Variants in ZBTB8A observed in about 807,000 individuals in gnomAD.
ZBTB8A encodes the protein zinc finger and BTB domain containing 8A.
In ZBTB8A, 19 loss-of-function variants were observed where a neutral mutation model predicts 37.8. That is an observed-to-expected ratio of 0.50 (90% CI 0.35 to 0.74). The LOEUF (loss-of-function observed/expected upper bound fraction) is 0.74, where lower values mean the gene tolerates loss of function less well. Among genes scored for constraint, ZBTB8A ranks in the 30% least tolerant of loss-of-function variants. The pLI is 0.01. For synonymous variants in ZBTB8A, 181 were observed against 185.2 expected (o/e 0.98, Z 0.19); for missense variants, 394 against 537.8 (o/e 0.73, Z 2.65).
chr1:32,565,683 T>G (rs1644273123), intron 2 of ZBTB8A, among the ~76,000 whole-genome samples: 1 of 152,094 alleles, frequency 6.6e-6, no homozygotes, highest in African/African-American at 2.4e-5. Context: ...AATAAATAAA[T>G]AGCTGTTCTT....
At chr1:32,597,617 C>T (rs773690864) in intron 4 of ZBTB8A, among the ~76,000 whole-genome samples, 4 of 152,128 alleles carry the variant, frequency 2.6e-5, no homozygotes, top group Non-Finnish European at 1.5e-5. Context: ...GTCATTGTTA[C>T]GGAGGTGTCA....
At chr1:32,565,507 T>C (rs1644271845) in intron 2 of ZBTB8A, among the ~76,000 whole-genome samples, 1 of 151,750 alleles carries the variant, frequency 6.6e-6, no homozygotes, top group Non-Finnish European at 1.5e-5. Flanking sequence ...ATTAAAAAAT[T>C]AGCTGGGCGT....
chr1:32,575,252 A>G (rs1644351151), intron 2 of ZBTB8A, among the ~76,000 whole-genome samples: 1 of 103,220 alleles, frequency 9.7e-6, no homozygotes, highest in Non-Finnish European at 1.9e-5. Context: ...TTTTTGAGAC[A>G]GTTTCGCTCT....
intron 2 of ZBTB8A, among the ~76,000 whole-genome samples, chr1:32,556,644 G>A (rs983500825): frequency 4.0e-5 from 6 of 151,894 alleles, no homozygotes; most frequent in Non-Finnish European, 8.8e-5. Flanking sequence ...TTGGGAGGCC[G>A]AGGCAAGGTA....
intron 2 of ZBTB8A, among the ~76,000 whole-genome samples, chr1:32,589,309 G>A (rs1644471063): frequency 6.6e-6 from 1 of 151,982 alleles, no homozygotes; most frequent in African/African-American, 2.4e-5. Context: ...GGAGTGCAGT[G>A]GCGCAATCTC....
chr1:32,584,635 C>G (rs1245042548), intron 2 of ZBTB8A, among the ~76,000 whole-genome samples: 2 of 151,604 alleles, frequency 1.3e-5, no homozygotes, highest in Non-Finnish European at 2.9e-5. Context: ...CCTCAGCATC[C>G]CATGTAGCTG....
chr1:32,596,353 G>A (rs1191974620), intron 4 of ZBTB8A, among the ~76,000 whole-genome samples: 1 of 148,248 alleles, frequency 6.7e-6, no homozygotes, highest in Non-Finnish European at 1.5e-5. Context: ...CTGGGCGACT[G>A]AGCGAGACTC....
In ZBTB8A at chr1:32,567,818, A is replaced by AAC. The variant is rs1557707686; in HGVS notation, c.-2+14279_-2+14280insCA. Among the ~76,000 whole-genome samples, 155 of 23,098 alleles carry AAC rather than the reference A, an allele frequency of 6.7e-3. 22 individuals carry two copies. The highest frequency in any genetic ancestry group is 0.021 in the African/African-American group (114 of 5,316). The allele number at this position is 23,098 out of a possible 152,430, so 15.2% of individuals were successfully genotyped here. ...AAAAAAAAAAAAAAAAAAAAAAAAAAAAAAACAAAAACAAAACAAAACAAA... is the reference window on the plus strand; with the variant it reads ...AAAAAAAAAAAAAAAAAAAAAAAAAAACAAAAACAAAAACAAAACAAAACAAA... On this transcript the variant is annotated intron_variant, in intron 2 of 4. Coordinates refer to ENST00000373510, the MANE Select transcript of ZBTB8A (RefSeq NM_001040441.3).
intron 2 of ZBTB8A, among the ~76,000 whole-genome samples, chr1:32,555,248 G>C (rs1190769199): frequency 6.6e-6 from 1 of 152,080 alleles, no homozygotes; most frequent in Non-Finnish European, 1.5e-5. Flanking sequence ...AATTAGCCGG[G>C]CGTGGTGGCA....
At chr1:32,552,014 C>G (rs2148217512) in intron 1 of ZBTB8A, among the ~76,000 whole-genome samples, 1 of 152,288 alleles carries the variant, frequency 6.6e-6, no homozygotes, top group Admixed American at 6.5e-5. Context: ...TTGGTATCAT[C>G]TGCTGGCCTG....
At chr1:32,563,148 A>G (rs1187006774) in intron 2 of ZBTB8A, among the ~76,000 whole-genome samples, 1 of 152,110 alleles carries the variant, frequency 6.6e-6, no homozygotes, top group Admixed American at 6.6e-5. Flanking sequence ...AGGGATTATT[A>G]GTTGTTTGCA....
At chr1:32,575,283 G>C (rs557915526) in intron 2 of ZBTB8A, among the ~76,000 whole-genome samples, 1 of 136,688 alleles carries the variant, frequency 7.3e-6, no homozygotes, top group African/African-American at 2.8e-5. Flanking sequence ...CTGGAGTGCA[G>C]TGGCACAATG....
chr1:32,581,517 A>G (rs1426748860), intron 2 of ZBTB8A, among the ~76,000 whole-genome samples: 1 of 150,690 alleles, frequency 6.6e-6, no homozygotes, highest in Non-Finnish European at 1.5e-5. Context: ...ATGTCTGGCT[A>G]ATTTTTGTAT....
rs932377459 is a variant in ZBTB8A at position 32,602,188 on chromosome 1, C to CGTG, written c.*1776_*1778dup. On this transcript the variant is annotated 3_prime_UTR_variant, in exon 5 of 5. Transcript: ENST00000373510. Reference sequence around the variant, plus strand: ...TACTAAAAATACAAAATTAGCCGGGCGTGGTGGTGCATGCCTGTAATCCCA... The same window carrying CGTG: ...TACTAAAAATACAAAATTAGCCGGGCGTGGTGGTGGTGCATGCCTGTAATCCCA... 2.6e-5 allele frequency: 4 copies of CGTG among 151,954 alleles called. No individual in the cohort carries two copies. The highest frequency in any genetic ancestry group is 9.7e-5 in the African/African-American group (4 of 41,356). The allele number at this position is 151,954 out of a possible 1,614,324, so 9.4% of individuals were successfully genotyped here.
chr1:32,595,078 A>G lies in ZBTB8A; in HGVS notation c.848A>G (p.Lys283Arg). 6.2e-7 allele frequency: 1 copy of G among 1,613,902 alleles called. No individual in the cohort carries two copies. The highest frequency in any genetic ancestry group is 8.5e-7 in the Non-Finnish European group (1 of 1,179,940). The stretch of plus-strand genomic sequence containing the variant: ...GATGATCTGCCTCGGATGCGATTCA[A>G]GTGCCCGTACTGCACACATGTGGTG... Reference protein sequence around the residue: ...FPDDLPRMRFKCPYCTHVVKR... With the variant: ...FPDDLPRMRFRCPYCTHVVKR... The change falls in exon 4 of 5, where the codon AAG becomes AGG. Residue 283 changes from lysine (K) to arginine (R), a missense_variant. By Grantham distance (26) the Lys-to-Arg change is conservative. Transcript: ENST00000373510.
chr1:32,592,787 A>G lies in ZBTB8A; in HGVS notation c.-1-144A>G. ...CCTCCCAAAGTGCTGGGATTACAGG[A>G]GTGAGCCACTGTGCCCAGCCACAGT... On this transcript the variant is annotated intron_variant, in intron 2 of 4. Transcript: ENST00000373510. 4.6e-6 allele frequency: 3 copies of G among 658,746 alleles called. No individual in the cohort carries two copies. The South Asian group carries it at 6.5e-5, about 14-fold the overall frequency. 40.8% of individuals were successfully genotyped at this position (658,746 alleles called of 1,614,324 possible).
In ZBTB8A at chr1:32,605,522, T is replaced by G. The variant is rs535638244; in HGVS notation, c.*5103T>G. 28 of 151,518 alleles carry G rather than the reference T, an allele frequency of 1.8e-4. No homozygotes were observed. Among genetic ancestry groups the G allele is most frequent in the African/African-American group, 6.8e-4 (28 of 41,276 alleles). 9.4% of individuals were successfully genotyped at this position (151,518 alleles called of 1,614,324 possible). ...AGTTGGAGACCAGCCTGGGGCAATA[T>G]AGTGAAACCCCTTCTCTACTAAAAA... On this transcript the variant is annotated 3_prime_UTR_variant, in exon 5 of 5. Transcript: ENST00000373510.
chr1:32,598,309 T>A (rs893445832), intron 4 of ZBTB8A, among the ~76,000 whole-genome samples: 14 of 141,400 alleles, frequency 9.9e-5, no homozygotes, highest in African/African-American at 3.6e-4. Context: ...CTCAGCTCAC[T>A]GCAACCTCCG....
chr1:32,593,501 G>A lies in ZBTB8A; in HGVS notation c.570G>A (p.Gln190=), dbSNP rs749713291. Residue 190 remains glutamine, a synonymous_variant, in exon 3 of 5, where the codon CAG becomes CAA. Coordinates refer to ENST00000373510, the MANE Select transcript of ZBTB8A (RefSeq NM_001040441.3). ...AGTATAATTATCATCCAGCCTCCCA[G>A]AAGAATACTCAACAACCCTTGGCCA... is the stretch of plus-strand genomic sequence containing the variant. ...WNKYNYHPAS[Q]KNTQQPLAKH... is the part of the protein sequence containing the mutation. 3 of 1,614,110 alleles carry A rather than the reference G, an allele frequency of 1.9e-6. No homozygotes were observed. The highest frequency in any genetic ancestry group is 4.5e-5 in the East Asian group (2 of 44,874).
Sources: gnomAD v4.1 joint callset for allele counts (sites outside exome capture counted in the v4.1 genomes callset) on GRCh38, gnomAD v4.1.1 for gene constraint, MANE v1.5 for transcripts, NCBI Gene and HGNC (gene_info 2026-07-23, HGNC 2026-07-21) for gene names.